ALG9: variants seen among roughly 807,000 people sequenced by gnomAD.
The protein encoded by ALG9 is alpha-1,2-mannosyltransferase ALG9.
A neutral mutation model predicts 81.8 loss-of-function variants in ALG9; 55 were observed. That is an observed-to-expected ratio of 0.67 (90% CI 0.54 to 0.84). The LOEUF (loss-of-function observed/expected upper bound fraction) is 0.84, where lower values mean the gene tolerates loss of function less well. ALG9 is among the 40% of genes least tolerant of loss of function. The pLI is 0.00. For synonymous variants in ALG9, 278 were observed against 274.3 expected (o/e 1.01, Z -0.13); for missense variants, 629 against 745.0 (o/e 0.84, Z 1.81).
intron 12 of ALG9, chr11:111,836,661 T>C (rs1955329822): frequency 6.2e-6 from 2 of 322,936 alleles, no homozygotes; most frequent in South Asian, 2.7e-5. Flanking sequence ...AAATGTAATA[T>C]ATGGCACTGA....
chr11:111,776,219 G>A, the ALG9 span, among the ~76,000 whole-genome samples: 107 of 152,140 alleles, frequency 7.0e-4, no homozygotes, highest in Non-Finnish European at 1.3e-3. Flanking sequence ...TTGACATATA[G>A]TAAAGTTTAA....
intron 1 of ALG9, chr11:111,870,928 A>C: frequency 1.0e-6 from 1 of 1,004,528 alleles, no homozygotes; most frequent in Non-Finnish European, 1.2e-6. Context: ...AGCTCCCTTA[A>C]TGCAGTTCTA....
At chr11:111,806,185 T>TA (rs1949905587) in intron 14 of ALG9, among the ~76,000 whole-genome samples, 1 of 152,054 alleles carries the variant, frequency 6.6e-6, no homozygotes. Context: ...TTAAAAAAGA[T>TA]AAAAAATCTC....
At chr11:111,856,437 C>CTA (rs2137089537) in intron 6 of ALG9, among the ~76,000 whole-genome samples, 1 of 151,458 alleles carries the variant, frequency 6.6e-6, no homozygotes, top group East Asian at 1.9e-4. Context: ...TGTAGAATAC[C>CTA]TATATATATA....
chr11:111,870,667 A>C, intron 1 of ALG9: 1 of 891,888 alleles, frequency 1.1e-6, no homozygotes, highest in Non-Finnish European at 1.4e-6. Context: ...GACTTTAATC[A>C]CTCAATCACT....
chr11:111,782,378 G>A lies in ALG9; in HGVS notation c.*4019C>T, dbSNP rs1591745691. ...CATGAATCACCTGGTTATACAGACT[G>A]GCAGAAGGCAACATTCAGATTTACA... On this transcript the variant is annotated 3_prime_UTR_variant, in exon 15 of 15. Coordinates refer to ENST00000616540, the MANE Select transcript of ALG9 (RefSeq NM_024740.2). 6.6e-6 allele frequency: 1 copy of A among 152,542 alleles called. No homozygotes were observed. The highest frequency in any genetic ancestry group is 1.5e-5 in the Non-Finnish European group (1 of 68,046). The allele number at this position is 152,542 out of a possible 1,614,324, so 9.4% of individuals were successfully genotyped here. A position where few individuals can be genotyped will look rare whatever the true frequency, so the allele number is the denominator to read the frequency against.
At chr11:111,807,901 A>ACCCAGAGACG (rs1950163007) in intron 14 of ALG9, among the ~76,000 whole-genome samples, 1 of 152,158 alleles carries the variant, frequency 6.6e-6, no homozygotes, top group African/African-American at 2.4e-5. Flanking sequence ...CTTGGGCAAT[A>ACCCAGAGACG]TGGCAAAACC....
chr11:111,869,975 C>A (rs1388237800), intron 2 of ALG9, among the ~76,000 whole-genome samples: 1 of 152,040 alleles, frequency 6.6e-6, no homozygotes, highest in Non-Finnish European at 1.5e-5. Context: ...CCATGCCCGG[C>A]TAATTTTTGT....
Position 111,838,290 on chromosome 11 carries a change from A to G in ALG9, c.1283T>C (p.Phe428Ser). The G allele has an allele frequency of 6.2e-7, 1 of 1,614,218 alleles. No individual in the cohort carries two copies. The highest frequency in any genetic ancestry group is 2.2e-5 in the East Asian group (1 of 44,880). Reference sequence around the variant, plus strand: ...AGAGCGAGAAAATGACAAGAGCCCAAACAGGAAGACAGTTCCTAATGCCAG... The same window carrying G: ...AGAGCGAGAAAATGACAAGAGCCCAGACAGGAAGACAGTTCCTAATGCCAG... Reference protein sequence around the residue: ...NWLALGTVFLFGLLSFSRSVA... With the variant: ...NWLALGTVFLSGLLSFSRSVA... Residue 428 changes from phenylalanine (F) to serine (S), a missense_variant, in exon 11 of 15, where the codon TTT (phenylalanine) becomes TCT (serine). Physicochemically the swap from Phe to Ser is radical, Grantham distance 155. Around this residue, in one of 3 missense-constraint regions of ALG9, gnomAD observed 264 missense variants for 302.2 expected, o/e 0.87. Coordinates refer to ENST00000616540, the MANE Select transcript of ALG9 (RefSeq NM_024740.2).
intron 5 of ALG9, among the ~76,000 whole-genome samples, chr11:111,860,163 T>A (rs1361301749): frequency 6.6e-6 from 1 of 152,226 alleles, no homozygotes; most frequent in Non-Finnish European, 1.5e-5. Context: ...AAAGAATTAC[T>A]TTCTTTCCAC....
rs782438743 is a variant in ALG9 at position 111,837,602 on chromosome 11, G to A, written c.1338C>T (p.Pro446=). 9.3e-6 allele frequency: 15 copies of A among 1,614,074 alleles called. No homozygotes were observed. Among genetic ancestry groups the A allele is most frequent in the East Asian group, 2.2e-5 (1 of 44,882 alleles). The change falls in exon 12 of 15, where the codon CCC becomes CCT. Residue 446 remains proline, a synonymous_variant. Transcript: ENST00000616540. ...GGTAAAATTCTGGATACAAATCAAG[G>A]GGCCCGTGATATCCTGGAAGGGAGA... ...SVALFRGYHG[P]LDLYPEFYRI...
chr11:111,786,296 G>C lies in ALG9; in HGVS notation c.*101C>G. 7 of 1,557,152 alleles carry C rather than the reference G, an allele frequency of 4.5e-6. No individual in the cohort carries two copies. Among genetic ancestry groups the C allele is most frequent in the Non-Finnish European group, 6.2e-6 (7 of 1,131,506 alleles). On this transcript the variant is annotated 3_prime_UTR_variant, in exon 15 of 15. Coordinates refer to ENST00000616540, the MANE Select transcript of ALG9 (RefSeq NM_024740.2). The stretch of plus-strand genomic sequence containing the variant: ...CCAGATTCCAGTATTCATGTCAGAA[G>C]ACCTTTATTACAAATGTTACAGGCG...
At chr11:111,812,004 A>G (rs1314202371) in intron 13 of ALG9, among the ~76,000 whole-genome samples, 3 of 152,198 alleles carry the variant, frequency 2.0e-5, no homozygotes, top group Non-Finnish European at 4.4e-5. Flanking sequence ...TGTGTTGTGC[A>G]TATTTTATAA....
At chr11:111,857,920 C>A in intron 5 of ALG9, 183 bp from the exon 6 acceptor site, 1 of 678,502 alleles carries the variant, frequency 1.5e-6, no homozygotes, top group Non-Finnish European at 2.4e-6. Flanking sequence ...AAATGAAGTT[C>A]AATGACTCTT....
chr11:111,846,283 G>A (rs1555129738), intron 8 of ALG9, among the ~76,000 whole-genome samples: 9 of 152,128 alleles, frequency 5.9e-5, no homozygotes. Flanking sequence ...GGAAATCTGA[G>A]CTTGTGAAGA....
At chr11:111,809,305 G>C (rs528616576) in intron 14 of ALG9, among the ~76,000 whole-genome samples, 5 of 152,082 alleles carry the variant, frequency 3.3e-5, no homozygotes, top group African/African-American at 1.2e-4. Context: ...ATGGCAGGTG[G>C]ATCACCTGAG....
the ALG9 span, among the ~76,000 whole-genome samples, chr11:111,773,937 T>G: frequency 6.6e-6 from 1 of 150,974 alleles, no homozygotes; most frequent in East Asian, 2.0e-4. Flanking sequence ...GTATTTTTTT[T>G]GTAGAGACAG....
chr11:111,847,133 T>C (rs868994974), intron 8 of ALG9, among the ~76,000 whole-genome samples: 1 of 151,858 alleles, frequency 6.6e-6, no homozygotes, highest in East Asian at 1.9e-4. Context: ...TAGTAAGACA[T>C]CCTTATAAAT....
At chr11:111,776,850 A>G in the ALG9 span, among the ~76,000 whole-genome samples, 1 of 152,170 alleles carries the variant, frequency 6.6e-6, no homozygotes, top group South Asian at 2.1e-4. Context: ...GTGCTTTTCA[A>G]CCCATGGCCT....
Sources: gnomAD v4.1 joint callset for allele counts (sites outside exome capture counted in the v4.1 genomes callset) on GRCh38, gnomAD v4.1.1 for gene constraint, gnomAD v4.1.1 regional missense constraint, MANE v1.5 for transcripts, NCBI Gene and HGNC (gene_info 2026-07-23, HGNC 2026-07-21) for gene names.